The following UBE2F variants were observed in gnomAD, a reference collection of about 807,000 sequenced individuals.
UBE2F encodes ubiquitin conjugating enzyme E2 F (putative).
Under a neutral mutation model 29.6 loss-of-function variants are expected in UBE2F, and 5 were observed. That is an observed-to-expected ratio of 0.17 (90% CI 0.09 to 0.36). UBE2F has a LOEUF of 0.36. Ranked by LOEUF, UBE2F falls within the 10% of genes least tolerant of loss-of-function variation. The probability of loss-of-function intolerance (pLI) is 1.00; values close to 1 mark genes in which losing one functional copy is unlikely to be tolerated. For missense variants in UBE2F, 141 were observed against 228.5 expected (o/e 0.62, Z 2.47); for synonymous variants, 66 against 81.8 (o/e 0.81, Z 1.04).
At chr2:238,036,404 G>A (rs546270856) in intron 9 of UBE2F, among the ~76,000 whole-genome samples, 11 of 152,008 alleles carry the variant, frequency 7.2e-5, no homozygotes, top group East Asian at 3.9e-4. Context: ...GGTCTTGAAC[G>A]GTTGGCCTCA....
intron 4 of UBE2F, among the ~76,000 whole-genome samples, chr2:238,015,825 C>T (rs1237104511): frequency 1.3e-5 from 2 of 152,146 alleles, no homozygotes; most frequent in African/African-American, 2.4e-5. Flanking sequence ...GAAGTGCCCT[C>T]TGCTGGCACC....
chr2:238,007,905 G>T (rs79005869), intron 4 of UBE2F, among the ~76,000 whole-genome samples: 2,188 of 152,154 alleles, frequency 0.014, 45 homozygotes, highest in African/African-American at 0.05. Context: ...GAATGCATTT[G>T]GGGAGTGTCC....
chr2:238,035,765 AGTTTG>A, intron 8 of UBE2F, 108 bp from the exon 9 acceptor site: 1 of 757,568 alleles, frequency 1.3e-6, no homozygotes, highest in Non-Finnish European at 2.2e-6. Flanking sequence ...TCAGCTCTCC[AGTTTG>A]GTCTGCCATT....
intron 4 of UBE2F, among the ~76,000 whole-genome samples, chr2:238,013,674 A>G (rs761323345): frequency 2.0e-5 from 3 of 152,118 alleles, no homozygotes; most frequent in Non-Finnish European, 4.4e-5. Flanking sequence ...ATACCCCTTC[A>G]AAAGGTTTGT....
At chr2:238,005,055 A>T (rs975410701) in intron 4 of UBE2F, among the ~76,000 whole-genome samples, 1 of 152,188 alleles carries the variant, frequency 6.6e-6, no homozygotes, top group South Asian at 2.1e-4. Flanking sequence ...CCTCCAGAAG[A>T]TAATAAATTT....
intron 1 of UBE2F, among the ~76,000 whole-genome samples, chr2:237,972,225 CTA>C (rs1339216241): frequency 6.6e-6 from 1 of 152,228 alleles, no homozygotes; most frequent in East Asian, 1.9e-4. Flanking sequence ...TATTAAGGCT[CTA>C]TCCACACCTT....
At chr2:237,990,861 C>G (rs1018063663) in intron 3 of UBE2F, among the ~76,000 whole-genome samples, 4 of 152,024 alleles carry the variant, frequency 2.6e-5, no homozygotes, top group Non-Finnish European at 5.9e-5. Flanking sequence ...AGTGATCCTC[C>G]CACCTTGGCC....
intron 4 of UBE2F, among the ~76,000 whole-genome samples, chr2:238,006,767 T>C (rs200048093): frequency 0.097 from 14,493 of 149,692 alleles, 1,044 homozygotes; most frequent in African/African-American, 0.2. Context: ...TTCTTTTTTT[T>C]TTTTTTTTTG....
intron 2 of UBE2F, among the ~76,000 whole-genome samples, chr2:237,985,784 A>G (rs142463485): frequency 2.0e-5 from 3 of 152,328 alleles, no homozygotes; most frequent in African/African-American, 4.8e-5. Context: ...ACTGTTTTCC[A>G]TAATGGCTAT....
intron 3 of UBE2F, among the ~76,000 whole-genome samples, chr2:237,988,972 C>T (rs537775448): frequency 3.3e-4 from 51 of 152,322 alleles, no homozygotes; most frequent in Non-Finnish European, 6.9e-4. Flanking sequence ...ATCTATCAGG[C>T]AGTTCACTTT....
intron 5 of UBE2F, among the ~76,000 whole-genome samples, chr2:238,021,282 T>A (rs1425684852): frequency 6.6e-6 from 1 of 152,196 alleles, no homozygotes; most frequent in Admixed American, 6.5e-5. Flanking sequence ...CAGAGACACT[T>A]GTTGAACAGC....
chr2:237,990,401 A>G (rs1368511895), intron 3 of UBE2F: 1 of 441,764 alleles, frequency 2.3e-6, no homozygotes. Flanking sequence ...ATACATGTAA[A>G]CCTTTTTTTT....
At chr2:237,992,036 T>G (rs1432833410) in intron 3 of UBE2F, among the ~76,000 whole-genome samples, 1 of 152,110 alleles carries the variant, frequency 6.6e-6, no homozygotes, top group Non-Finnish European at 1.5e-5. Flanking sequence ...GGCTAATTTT[T>G]TGTATTTTTA....
At chr2:238,020,708 T>G (rs11678650) in intron 5 of UBE2F, among the ~76,000 whole-genome samples, 6 of 152,164 alleles carry the variant, frequency 3.9e-5, no homozygotes, top group African/African-American at 1.4e-4. Context: ...GTGTTTTTGT[T>G]CCTTTGCCTC....
At chr2:237,987,922 G>C in intron 2 of UBE2F, 41 bp from the exon 3 acceptor site, 2 of 1,147,940 alleles carry the variant, frequency 1.7e-6, no homozygotes, top group African/African-American at 3.3e-5. Flanking sequence ...TTTATGTGGA[G>C]TAATTGACTA....
At position 238,040,259 on chromosome 2, in the gene UBE2F, T is replaced by G. The variant is rs1335318345; in HGVS notation, c.508-1029T>G. Reference sequence around the variant, plus strand: ...GGCCAGGACCATGCTCCAGGCAGGATCTCCCTGCAAGAGGGCATCGCGGCA... The same window carrying G: ...GGCCAGGACCATGCTCCAGGCAGGAGCTCCCTGCAAGAGGGCATCGCGGCA... On this transcript the variant is annotated intron_variant, in intron 9 of 9. Coordinates refer to ENST00000272930, the MANE Select transcript of UBE2F (RefSeq NM_080678.3). This position sits in a 1 kb window ranked among gnomAD's most constrained non-coding sequence, Gnocchi z 4.4. Among the ~76,000 whole-genome samples, 1 of 152,198 alleles carries G rather than the reference T, an allele frequency of 6.6e-6. No individual in the cohort carries two copies. The highest frequency in any genetic ancestry group is 1.9e-4 in the East Asian group (1 of 5,188).
rs1359774931 is a variant in UBE2F at position 238,005,708 on chromosome 2, A to T, written c.215-10858A>T. 2.0e-5 allele frequency among the ~76,000 whole-genome samples: 3 copies of T among 151,810 alleles called. No individual in the cohort carries two copies. In the East Asian group the frequency reaches 5.8e-4, roughly 29 times the overall value. On this transcript the variant is annotated intron_variant, in intron 4 of 9. Coordinates refer to ENST00000272930, the MANE Select transcript of UBE2F (RefSeq NM_080678.3). ...TTGGCACCTTTGTTGACATTACATG[A>T]CTATATGTGTGTGGGTGTGCTTCTG...
intron 4 of UBE2F, among the ~76,000 whole-genome samples, chr2:238,016,089 C>T (rs565264516): frequency 1.3e-5 from 2 of 152,142 alleles, no homozygotes; most frequent in African/African-American, 2.4e-5. Flanking sequence ...CTGCTGTGTC[C>T]CCAAGGCCTA....
intron 4 of UBE2F, chr2:238,003,317 C>G (rs181910110): frequency 4.3e-6 from 2 of 470,038 alleles, no homozygotes; most frequent in East Asian, 6.9e-5. Context: ...AAAGCATTCT[C>G]TTAACTTTCA....
Sources: allele counts gnomAD v4.1 joint callset (sites outside exome capture counted in the v4.1 genomes callset), GRCh38; gene constraint gnomAD v4.1.1; non-coding constraint Gnocchi (gnomAD v3.1); transcripts MANE v1.5; gene names NCBI Gene and HGNC (gene_info 2026-07-23, HGNC 2026-07-21).